Variants in PANK3 observed in about 807,000 individuals in gnomAD.
PANK3 encodes pantothenate kinase 3, also known as hPanK3.
A neutral mutation model predicts 39.4 loss-of-function variants in PANK3; 20 were observed. The observed-to-expected ratio is 0.51, with a 90% CI of 0.36 to 0.74. PANK3 has a LOEUF of 0.74. Among genes scored for constraint, PANK3 ranks in the 30% least tolerant of loss-of-function variants. PANK3 has a pLI of 0.00. For missense variants in PANK3, 265 were observed against 437.0 expected (o/e 0.61, Z 3.51); for synonymous variants, 140 against 157.3 (o/e 0.89, Z 0.82).
Position 168,552,928 on chromosome 5 carries a change from G to A in PANK3, c.*4643C>T, listed in dbSNP as rs1173253598. 1 of 213,148 alleles carries A rather than the reference G, an allele frequency of 4.7e-6. No individual in the cohort carries two copies. 13.2% of individuals were successfully genotyped at this position (213,148 alleles called of 1,614,324 possible). A position where few individuals can be genotyped will look rare whatever the true frequency, so the allele number is the denominator to read the frequency against. ...CTGGAGCATGATGGAAATGACAGTG[G>A]GTTGTTGGTAGCTGGGTACTCTAAA... On this transcript the variant is annotated 3_prime_UTR_variant, in exon 7 of 7. Coordinates refer to ENST00000239231, the MANE Select transcript of PANK3 (RefSeq NM_024594.4).
rs1477955450 is a variant in PANK3, at chr5:168,554,120, T to G, written c.*3451A>C. ...TTTACCTGGGAATTTATTCTCTCTT[T>G]TGTATTTTTGATAGTGATTACAAAG... On this transcript the variant is annotated 3_prime_UTR_variant, in exon 7 of 7. Coordinates refer to ENST00000239231, the MANE Select transcript of PANK3 (RefSeq NM_024594.4). 6.6e-6 allele frequency: 1 copy of G among 152,218 alleles called. No homozygotes were observed. The highest frequency in any genetic ancestry group is 1.9e-4 in the East Asian group (1 of 5,192). The allele number at this position is 152,218 out of a possible 1,614,324, so 9.4% of individuals were successfully genotyped here.
rs139253337 is a variant in PANK3 at position 168,551,713 on chromosome 5, C to T, written c.*5858G>A. On this transcript the variant is annotated 3_prime_UTR_variant, in exon 7 of 7. Transcript: ENST00000239231. ...TGCTGCATCATTCTGCTTATAGAAACAGTCTTTAAGGGACTGGTATTTACA... is the reference window on the plus strand; with the variant it reads ...TGCTGCATCATTCTGCTTATAGAAATAGTCTTTAAGGGACTGGTATTTACA... The T allele has an allele frequency of 1.5e-3, 224 of 152,224 alleles. 2 individuals are homozygous for T. The highest frequency in any genetic ancestry group is 5.0e-3 in the African/African-American group (208 of 41,558). 9.4% of individuals were successfully genotyped at this position (152,224 alleles called of 1,614,324 possible). A position where few individuals can be genotyped will look rare whatever the true frequency, so the allele number is the denominator to read the frequency against.
intron 1 of PANK3, among the ~76,000 whole-genome samples, chr5:168,570,137 C>T (rs530822550): frequency 3.9e-4 from 60 of 152,278 alleles, no homozygotes; most frequent in African/African-American, 1.4e-3. Flanking sequence ...GATCCCAGCA[C>T]TTTGGGAGGC....
In PANK3 at chr5:168,568,559, G is replaced by A. The variant is rs914097183; in HGVS notation, c.381+87C>T. On this transcript the variant is annotated intron_variant, in intron 2 of 6. Coordinates refer to ENST00000239231, the MANE Select transcript of PANK3 (RefSeq NM_024594.4). Reference sequence around the variant, plus strand: ...TACATATTTCCCACTGCATGTGCAGGGAGAATTAAGGAACATGCTAGATGG... The same window carrying A: ...TACATATTTCCCACTGCATGTGCAGAGAGAATTAAGGAACATGCTAGATGG... 7 of 1,007,578 alleles carry A rather than the reference G, an allele frequency of 6.9e-6. No individual in the cohort carries two copies. In the African/African-American group the frequency reaches 9.8e-5, roughly 14 times the overall value. 62.4% of individuals were successfully genotyped at this position (1,007,578 alleles called of 1,614,324 possible). A position where few individuals can be genotyped will look rare whatever the true frequency, so the allele number is the denominator to read the frequency against.
intron 2 of PANK3, 108 bp downstream of exon 2, chr5:168,568,538 T>C (rs771903715): frequency 1.7e-4 from 144 of 850,346 alleles, no homozygotes; most frequent in Non-Finnish European, 2.4e-4. Flanking sequence ...CATGGATACA[T>C]ATTTCCCACT....
rs1458118067 is a variant in PANK3, at chr5:168,561,400, A to T, written c.929T>A (p.Val310Asp). Residue 310 changes from valine to aspartate, a missense_variant, in exon 5 of 7, where the codon GTT becomes GAT. Physicochemically the swap from Val to Asp is radical, Grantham distance 152. Coordinates refer to ENST00000239231, the MANE Select transcript of PANK3 (RefSeq NM_024594.4). Reference protein sequence around the residue: ...NIGSVARMCAVNEKINRVVFV... With the variant: ...NIGSVARMCADNEKINRVVFV... ...TGTTTTTTGTTTTTTTACCTCATTA[A>T]CAGCACACATTCGTGCCACAGAACC... 1.3e-6 allele frequency: 2 copies of T among 1,576,994 alleles called. No homozygotes were observed. Among genetic ancestry groups the T allele is most frequent in the Non-Finnish European group, 1.7e-6 (2 of 1,166,000 alleles).
chr5:168,568,497 C>A (rs557397470), intron 2 of PANK3, 149 bp downstream of exon 2: 2 of 639,310 alleles, frequency 3.1e-6, no homozygotes, highest in Non-Finnish European at 2.7e-6. Flanking sequence ...ATCTCATAAA[C>A]GTGTTTAAAA....
chr5:168,570,009 C>CACTGCAAACATGCAGTGTT, intron 1 of PANK3, among the ~76,000 whole-genome samples: 1 of 152,072 alleles, frequency 6.6e-6, no homozygotes, highest in Admixed American at 6.6e-5. Context: ...ATGTTTGCAC[C>CACTGCAAACATGCAGTGTT]ACTACACTGC....
At chr5:168,570,625 CA>C (rs747331768) in intron 1 of PANK3, among the ~76,000 whole-genome samples, 19 of 152,048 alleles carry the variant, frequency 1.2e-4, no homozygotes, top group Non-Finnish European at 2.5e-4. Context: ...ACTAAAACAA[CA>C]AAAAACCCCA....
intron 5 of PANK3, among the ~76,000 whole-genome samples, chr5:168,560,431 ACT>A (rs1212898841): frequency 1.2e-4 from 18 of 151,752 alleles, no homozygotes; most frequent in African/African-American, 3.6e-4. Context: ...GTCCTCTACC[ACT>A]CTCTGCCCTA....
chr5:168,568,787 C>T lies in PANK3; in HGVS notation c.240G>A (p.Gly80=), dbSNP rs1299773964. The T allele has an allele frequency of 1.2e-6, 2 of 1,613,876 alleles. No individual in the cohort carries two copies. Among genetic ancestry groups the T allele is most frequent in the East Asian group, 4.5e-5 (2 of 44,886 alleles). The change falls in exon 2 of 7, where the codon GGG becomes GGA. Residue 80 remains glycine (G), a synonymous_variant. Coordinates refer to ENST00000239231, the MANE Select transcript of PANK3 (RefSeq NM_024594.4). ...LKDLTLFGRR[G]NLHFIRFPTQ... ...TTGGAAACCTGATAAAGTGCAAGTT[C>T]CCTCTTCGGCCAAAAAGTGTTAAAT...
In PANK3 at chr5:168,555,170, G is replaced by C. The variant is rs879661202; in HGVS notation, c.*2401C>G. On this transcript the variant is annotated 3_prime_UTR_variant, in exon 7 of 7. Coordinates refer to ENST00000239231, the MANE Select transcript of PANK3 (RefSeq NM_024594.4). ...AAAGCTCTATGTTCTTAACGGTGCT[G>C]TCTTAATAGAAATAAAATGTAAACC... 3 of 152,176 alleles carry C rather than the reference G, an allele frequency of 2.0e-5. No homozygotes were observed. Among genetic ancestry groups the C allele is most frequent in the Non-Finnish European group, 4.4e-5 (3 of 68,030 alleles). 9.4% of individuals were successfully genotyped at this position (152,176 alleles called of 1,614,324 possible). A position where few individuals can be genotyped will look rare whatever the true frequency, so the allele number is the denominator to read the frequency against.
Position 168,579,241 on chromosome 5 carries a change from C to G in PANK3, c.28+15G>C. The G allele has an allele frequency of 6.7e-7, 1 of 1,489,440 alleles. No individual in the cohort carries two copies. The highest frequency in any genetic ancestry group is 9.0e-7 in the Non-Finnish European group (1 of 1,117,076). The allele number at this position is 1,489,440 out of a possible 1,614,324, so 92.3% of individuals were successfully genotyped here. ...GGTGCCCTCCCAACCTGGCGGGCCC[C>G]AGCCCCCGTCTTACAGGGTTTCTTG... On this transcript the variant is annotated intron_variant, in intron 1 of 6. Transcript: ENST00000239231.
chr5:168,564,655 C>CA (rs1471814434), intron 3 of PANK3, among the ~76,000 whole-genome samples: 1 of 152,058 alleles, frequency 6.6e-6, no homozygotes, highest in Non-Finnish European at 1.5e-5. Context: ...CCAGGCTGGT[C>CA]TTAACTCCTG....
intron 4 of PANK3, among the ~76,000 whole-genome samples, chr5:168,562,232 G>C (rs1156401500): frequency 2.0e-5 from 3 of 151,926 alleles, no homozygotes; most frequent in Admixed American, 2.0e-4. Flanking sequence ...CCCAAACAAA[G>C]GCTAACCTTG....
intron 1 of PANK3, among the ~76,000 whole-genome samples, chr5:168,573,893 A>G (rs1322306197): frequency 1.3e-5 from 2 of 152,102 alleles, no homozygotes; most frequent in Non-Finnish European, 2.9e-5. Context: ...TGTATGTGCT[A>G]CATTTTCTTA....
intron 5 of PANK3, chr5:168,560,969 C>A: frequency 2.0e-6 from 1 of 508,178 alleles, no homozygotes; most frequent in Non-Finnish European, 4.1e-6. Flanking sequence ...AAGCCGAGGG[C>A]AGTAAGAAAA....
rs183534745 is a variant in PANK3 at position 168,577,648 on chromosome 5, A to T, written c.28+1608T>A. 2.3e-4 allele frequency among the ~76,000 whole-genome samples: 35 copies of T among 152,318 alleles called. No individual in the cohort carries two copies. In the East Asian group the frequency reaches 6.8e-3, roughly 29 times the overall value. On this transcript the variant is annotated intron_variant, in intron 1 of 6. Coordinates refer to ENST00000239231, the MANE Select transcript of PANK3 (RefSeq NM_024594.4). Reference sequence around the variant, plus strand: ...CCCACCGTGCCTAGCCCTATTTTATAAACTTCTCATAATAATCTTTATAAT... The same window carrying T: ...CCCACCGTGCCTAGCCCTATTTTATTAACTTCTCATAATAATCTTTATAAT...
At chr5:168,567,167 G>A (rs1389083720) in intron 2 of PANK3, among the ~76,000 whole-genome samples, 2 of 152,214 alleles carry the variant, frequency 1.3e-5, no homozygotes, top group African/African-American at 4.8e-5. Flanking sequence ...GGAGGGTCAT[G>A]TCACCAACAG....
Sources: allele counts gnomAD v4.1 joint callset (sites outside exome capture counted in the v4.1 genomes callset), GRCh38; gene constraint gnomAD v4.1.1; transcripts MANE v1.5; gene names NCBI Gene and HGNC (gene_info 2026-07-23, HGNC 2026-07-21).